The following PRR23E variants were observed in gnomAD, a reference collection of about 807,000 sequenced individuals.
The protein encoded by PRR23E is proline-rich protein 23E.
At chr3:127,197,517 G>T in the PRR23E span, 2 of 1,045,418 alleles carry the variant, frequency 1.9e-6, no homozygotes, top group East Asian at 5.3e-5. Context: ...GATGTAGGTT[G>T]TTTACTATTC....
the PRR23E span, chr3:127,193,343 A>AC: frequency 1.3e-5 from 2 of 152,144 alleles, no homozygotes; most frequent in Non-Finnish European, 2.9e-5. Flanking sequence ...GGGCCTGAGG[A>AC]CCTTCTCTGA....
At chr3:127,196,487 C>G in the PRR23E span, 1 of 811,682 alleles carries the variant, frequency 1.2e-6, no homozygotes. Flanking sequence ...ATGCCTTGAT[C>G]TTGGCTCTTC....
chr3:127,196,650 A>C, the PRR23E span: 4 of 1,539,090 alleles, frequency 2.6e-6, no homozygotes, highest in Non-Finnish European at 3.5e-6. Context: ...CACTTGCCAG[A>C]CACTTCGGGG....
the PRR23E span, chr3:127,196,652 A>G: frequency 3.1e-5 from 48 of 1,543,026 alleles, no homozygotes; most frequent in Non-Finnish European, 4.2e-5. Flanking sequence ...CTTGCCAGAC[A>G]CTTCGGGGCT....
At chr3:127,196,168 C>T in the PRR23E span, among the ~76,000 whole-genome samples, 1 of 152,190 alleles carries the variant, frequency 6.6e-6, no homozygotes, top group African/African-American at 2.4e-5. Context: ...CGGGACCTGT[C>T]TGCCCCTTCA....
the PRR23E span, among the ~76,000 whole-genome samples, chr3:127,193,471 C>T: frequency 6.6e-6 from 1 of 152,076 alleles, no homozygotes; most frequent in Non-Finnish European, 1.5e-5. Flanking sequence ...TCGCACCCCA[C>T]CCTATGAGAC....
the PRR23E span, chr3:127,197,363 C>CTCCTCCTCCCGG: frequency 1.3e-6 from 2 of 1,583,792 alleles, no homozygotes; most frequent in Non-Finnish European, 1.7e-6. Flanking sequence ...GCTGCTCCCG[C>CTCCTCCTCCCGG]TCCTCCTCCC....
chr3:127,197,398 G>C, the PRR23E span: 1 of 1,555,106 alleles, frequency 6.4e-7, no homozygotes, highest in Non-Finnish European at 8.7e-7. Flanking sequence ...GCCCGCCGCC[G>C]CCTCTTTGAG....
At chr3:127,197,458 C>T in the PRR23E span, 1 of 1,443,888 alleles carries the variant, frequency 6.9e-7, no homozygotes, top group East Asian at 2.4e-5. Context: ...AGAGACATGT[C>T]TGGTGGAGCC....
At chr3:127,197,458 C>G in the PRR23E span, 13 of 1,443,888 alleles carry the variant, frequency 9.0e-6, no homozygotes, top group East Asian at 3.1e-4. Flanking sequence ...AGAGACATGT[C>G]TGGTGGAGCC....
the PRR23E span, chr3:127,196,785 T>G: frequency 6.3e-7 from 1 of 1,597,554 alleles, no homozygotes; most frequent in Non-Finnish European, 8.5e-7. Flanking sequence ...CTCAACCCCC[T>G]GGGTGGCCAT....
the PRR23E span, chr3:127,197,193 G>A: frequency 8.7e-3 from 13,900 of 1,594,638 alleles, 81 homozygotes; most frequent in African/African-American, 0.011. Flanking sequence ...CAGGGCTGCC[G>A]TAGAGGGGCC....
chr3:127,196,457 G>A, the PRR23E span: 1 of 625,704 alleles, frequency 1.6e-6, no homozygotes, highest in Non-Finnish European at 2.6e-6. Context: ...AGGACACCTT[G>A]CTCCCCATCC....
chr3:127,197,293 G>A, the PRR23E span: 1 of 1,598,246 alleles, frequency 6.3e-7, no homozygotes, highest in Non-Finnish European at 8.5e-7. Flanking sequence ...TTGCCCTGCT[G>A]CAGTTCAGAG....
the PRR23E span, among the ~76,000 whole-genome samples, chr3:127,195,377 G>C: frequency 6.6e-6 from 1 of 152,082 alleles, no homozygotes; most frequent in Non-Finnish European, 1.5e-5. Flanking sequence ...CTTCTCAAAG[G>C]CTCCCTGCCA....
the PRR23E span, among the ~76,000 whole-genome samples, chr3:127,195,998 C>T: frequency 6.6e-6 from 1 of 152,170 alleles, no homozygotes; most frequent in African/African-American, 2.4e-5. Flanking sequence ...ATCATGTCCT[C>T]ACTGTGTCAG....
chr3:127,193,871 G>A, the PRR23E span, among the ~76,000 whole-genome samples: 4 of 152,316 alleles, frequency 2.6e-5, no homozygotes, highest in South Asian at 4.1e-4. Context: ...AAAACATGGT[G>A]AAGTGGAACA....
chr3:127,197,348 C>T, the PRR23E span: 1 of 1,593,600 alleles, frequency 6.3e-7, no homozygotes, highest in Non-Finnish European at 8.5e-7. Context: ...CTCAGCTGGA[C>T]CCGGGCTGCT....
chr3:127,194,911 G>C, the PRR23E span, among the ~76,000 whole-genome samples: 8 of 152,188 alleles, frequency 5.3e-5, no homozygotes, highest in African/African-American at 1.9e-4. Flanking sequence ...GGGAGGAAAT[G>C]AATGCTTCTT....
Sources: gnomAD v4.1 joint callset for allele counts (sites outside exome capture counted in the v4.1 genomes callset) on GRCh38, gnomAD v4.1.1 for gene constraint, MANE v1.5 for transcripts, NCBI Gene and HGNC (gene_info 2026-07-23, HGNC 2026-07-21) for gene names.